Variants in KSR2 observed in about 807,000 individuals in gnomAD.
The protein encoded by KSR2 is kinase suppressor of ras 2.
KSR2 carries 25 observed loss-of-function variants against 107.8 expected under a neutral mutation model. The observed-to-expected ratio is 0.23, with a 90% CI of 0.17 to 0.32. The LOEUF (loss-of-function observed/expected upper bound fraction) is 0.32. KSR2 is among the 10% of genes least tolerant of loss of function. The pLI is 1.00. For synonymous variants in KSR2, 480 were observed against 507.0 expected (o/e 0.95, Z 0.71); for missense variants, 887 against 1,268.9 (o/e 0.70, Z 4.57).
At chr12:117,909,472 A>G (rs117263270) in intron 1 of KSR2, among the ~76,000 whole-genome samples, 1 of 152,184 alleles carries the variant, frequency 6.6e-6, no homozygotes, top group Non-Finnish European at 1.5e-5. Flanking sequence ...TATCCAAGAT[A>G]TTGTTTACCG....
At chr12:117,863,089 T>A (rs969906002) in intron 1 of KSR2, among the ~76,000 whole-genome samples, 1 of 152,152 alleles carries the variant, frequency 6.6e-6, no homozygotes, top group African/African-American at 2.4e-5. Flanking sequence ...CCTCCCTTCT[T>A]TGGCCCACAG....
In KSR2 at chr12:117,676,378, T is replaced by C. The variant is rs568486464; in HGVS notation, c.987-8720A>G. Among the ~76,000 whole-genome samples, 14 of 152,338 alleles carry C rather than the reference T, an allele frequency of 9.2e-5. No individual in the cohort carries two copies. The South Asian group carries it at 2.9e-3, about 32-fold the overall frequency. ...TTTAGAGAAGACATGGATGCATCTT[T>C]TTGCATTTTAATAAAATTCAAGAAA... On this transcript the variant is annotated intron_variant, in intron 4 of 19. Transcript: ENST00000339824.
At chr12:117,685,404 A>G (rs1424850442) in intron 4 of KSR2, among the ~76,000 whole-genome samples, 1 of 152,204 alleles carries the variant, frequency 6.6e-6, no homozygotes, top group East Asian at 1.9e-4. Context: ...ATGTGGCTGG[A>G]TGTTTTCTTT....
chr12:117,635,908 C>A (rs990788125), intron 5 of KSR2, among the ~76,000 whole-genome samples: 1 of 152,088 alleles, frequency 6.6e-6, no homozygotes, highest in Middle Eastern at 3.4e-3. Flanking sequence ...TCTCCCACCT[C>A]GGCCTCCTGA....
At chr12:117,531,516 T>C (rs921953709) in intron 11 of KSR2, 150 bp downstream of exon 11, 5 of 667,708 alleles carry the variant, frequency 7.5e-6, no homozygotes, top group African/African-American at 1.9e-5. Flanking sequence ...TCCACTTCCA[T>C]GTTCAGCCAT....
intron 5 of KSR2, among the ~76,000 whole-genome samples, chr12:117,626,005 A>G (rs1469464371): frequency 6.6e-6 from 1 of 152,176 alleles, no homozygotes. Context: ...TGTTTATAAT[A>G]TTCTCTGATG....
chr12:117,967,653 C>T (rs998819952), intron 1 of KSR2, among the ~76,000 whole-genome samples: 7 of 152,096 alleles, frequency 4.6e-5, no homozygotes, highest in Admixed American at 2.6e-4. Context: ...CTGCAGAATG[C>T]GCAAGGTCAC....
intron 14 of KSR2, among the ~76,000 whole-genome samples, chr12:117,520,584 G>T (rs1874692845): frequency 6.6e-6 from 1 of 152,212 alleles, no homozygotes; most frequent in South Asian, 2.1e-4. Flanking sequence ...TCAGCCCTTT[G>T]ATTACAATGG....
intron 4 of KSR2, among the ~76,000 whole-genome samples, chr12:117,729,991 G>A (rs1887594264): frequency 6.6e-6 from 1 of 152,198 alleles, no homozygotes; most frequent in Non-Finnish European, 1.5e-5. Context: ...TAGGATAGGA[G>A]CCTGCAACAA....
intron 14 of KSR2, among the ~76,000 whole-genome samples, chr12:117,507,698 TGCG>T (rs1393760255): frequency 6.6e-6 from 1 of 151,988 alleles, no homozygotes; most frequent in Non-Finnish European, 1.5e-5. Context: ...CCTACCCCCC[TGCG>T]ATCTTGTTTG....
At chr12:117,789,673 C>T (rs150764312) in intron 3 of KSR2, among the ~76,000 whole-genome samples, 18 of 152,302 alleles carry the variant, frequency 1.2e-4, no homozygotes, top group Admixed American at 1.2e-3. Flanking sequence ...CCTTCAGTCC[C>T]TCCCTATCCC....
intron 1 of KSR2, among the ~76,000 whole-genome samples, chr12:117,911,203 A>ACACACTGAC: frequency 6.7e-6 from 1 of 148,262 alleles, no homozygotes; most frequent in East Asian, 2.0e-4. Context: ...CACACACTCA[A>ACACACTGAC]GAAACAAGAA....
intron 3 of KSR2, among the ~76,000 whole-genome samples, chr12:117,795,029 T>A (rs1890572352): frequency 6.6e-6 from 1 of 152,218 alleles, no homozygotes; most frequent in Non-Finnish European, 1.5e-5. Context: ...CAGGACTTCA[T>A]TTGCCACAAG....
chr12:117,692,936 T>C (rs1288868413), intron 4 of KSR2, among the ~76,000 whole-genome samples: 1 of 152,214 alleles, frequency 6.6e-6, no homozygotes, highest in African/African-American at 2.4e-5. Flanking sequence ...GGTATAGGGC[T>C]TCCTTTTGGG....
chr12:117,936,901 C>G (rs1895865422), intron 1 of KSR2, among the ~76,000 whole-genome samples: 1 of 152,136 alleles, frequency 6.6e-6, no homozygotes, highest in African/African-American at 2.4e-5. Context: ...GGAAACAGGT[C>G]TGAAAAACAG....
At chr12:117,915,424 G>A (rs1052545564) in intron 1 of KSR2, among the ~76,000 whole-genome samples, 2 of 152,220 alleles carry the variant, frequency 1.3e-5, no homozygotes, top group Non-Finnish European at 2.9e-5. Context: ...ATTTCCATAT[G>A]TAAATTTTGG....
intron 7 of KSR2, among the ~76,000 whole-genome samples, chr12:117,569,074 C>T (rs1014135312): frequency 6.6e-6 from 1 of 152,198 alleles, no homozygotes; most frequent in African/African-American, 2.4e-5. Flanking sequence ...TAAATTAGTG[C>T]AATGGTGGCT....
intron 7 of KSR2, among the ~76,000 whole-genome samples, chr12:117,563,100 C>G (rs1878231020): frequency 6.6e-6 from 1 of 152,078 alleles, no homozygotes; most frequent in Non-Finnish European, 1.5e-5. Flanking sequence ...ATCATTTTCC[C>G]AAAATGTGGC....
chr12:117,923,535 C>T (rs1895408942), intron 1 of KSR2, among the ~76,000 whole-genome samples: 1 of 152,126 alleles, frequency 6.6e-6, no homozygotes, highest in Non-Finnish European at 1.5e-5. Context: ...CATGGTGGCA[C>T]ATGCCAGCAG....
Sources: allele counts gnomAD v4.1 joint callset (sites outside exome capture counted in the v4.1 genomes callset), GRCh38; gene constraint gnomAD v4.1.1; transcripts MANE v1.5; gene names NCBI Gene and HGNC (gene_info 2026-07-23, HGNC 2026-07-21).